Variants in ADGRB3 observed in about 807,000 individuals in gnomAD.
The protein encoded by ADGRB3 is brain-specific angiogenesis inhibitor 3.
Under a neutral mutation model 193.4 loss-of-function variants are expected in ADGRB3, and 37 were observed. The observed-to-expected ratio is 0.19, with a 90% CI of 0.15 to 0.25. The LOEUF (loss-of-function observed/expected upper bound fraction) is 0.25, where lower values mean the gene tolerates loss of function less well. Ranked by LOEUF, ADGRB3 falls within the 10% of genes least tolerant of loss-of-function variation. ADGRB3 has a pLI of 1.00. For synonymous variants in ADGRB3, 690 were observed against 644.2 expected, an observed-to-expected ratio of 1.07 and a Z score of -1.08; for missense variants, 1,637 against 1,852.9, an observed-to-expected ratio of 0.88 and a Z score of 2.14.
rs1454637198 is a variant in ADGRB3, at chr6:68,661,491, A to G, written c.757+22059A>G. On this transcript the variant is annotated intron_variant, in intron 3 of 31. Coordinates refer to ENST00000370598, the MANE Select transcript of ADGRB3 (RefSeq NM_001704.3). Reference sequence around the variant, plus strand: ...TATATATATGTGTATACATATATATATGTGTGTATACATATATATGTGTGT... The same window carrying G: ...TATATATATGTGTATACATATATATGTGTGTGTATACATATATATGTGTGT... 6.4e-5 allele frequency among the ~76,000 whole-genome samples: 8 copies of G among 125,122 alleles called. 1 individual carries two copies. Among genetic ancestry groups the G allele is most frequent in the Non-Finnish European group, 1.3e-4 (8 of 59,910 alleles). 82.1% of individuals were successfully genotyped at this position (125,122 alleles called of 152,430 possible).
chr6:68,677,521 C>CTTTTTTTTTTT (rs1002070733), intron 3 of ADGRB3, among the ~76,000 whole-genome samples: 2 of 120,330 alleles, frequency 1.7e-5, no homozygotes, highest in African/African-American at 3.1e-5. Context: ...TTCTTTTTTT[C>CTTTTTTTTTTT]TTTTTTTTTT....
At chr6:69,113,857 T>C (rs1340716950) in intron 17 of ADGRB3, among the ~76,000 whole-genome samples, 1 of 152,208 alleles carries the variant, frequency 6.6e-6, no homozygotes, top group Non-Finnish European at 1.5e-5. Flanking sequence ...TTTAGATAGA[T>C]ATTAATGATG....
intron 17 of ADGRB3, among the ~76,000 whole-genome samples, chr6:69,082,502 T>G (rs1305285045): frequency 1.3e-5 from 2 of 152,144 alleles, no homozygotes; most frequent in Non-Finnish European, 2.9e-5. Context: ...TTATCTATTT[T>G]AACTTACTTT....
In ADGRB3 at chr6:69,163,568, A is replaced by G. The variant is rs73745973; in HGVS notation, c.2481-69722A>G. ...GTCTTGCAAATGCTAATCAGTTCAGATAGGAGATCATAGATATAATAAATT... is the reference window on the plus strand; with the variant it reads ...GTCTTGCAAATGCTAATCAGTTCAGGTAGGAGATCATAGATATAATAAATT... On this transcript the variant is annotated intron_variant, in intron 17 of 31. Coordinates refer to ENST00000370598, the MANE Select transcript of ADGRB3 (RefSeq NM_001704.3). Among the ~76,000 whole-genome samples the G allele has an allele frequency of 5.6e-3, 853 of 152,204 alleles. 7 individuals are homozygous for G. The highest frequency in any genetic ancestry group is 0.02 in the African/African-American group (813 of 41,534).
At chr6:69,320,379 T>C (rs1768420237) in intron 20 of ADGRB3, among the ~76,000 whole-genome samples, 1 of 151,458 alleles carries the variant, frequency 6.6e-6, no homozygotes, top group Non-Finnish European at 1.5e-5. Context: ...TTATTTTAAG[T>C]TCCGGGGGTA....
chr6:69,097,255 T>A (rs989783017), intron 17 of ADGRB3, among the ~76,000 whole-genome samples: 1 of 152,210 alleles, frequency 6.6e-6, no homozygotes, highest in Non-Finnish European at 1.5e-5. Flanking sequence ...AATACAAATG[T>A]ATCTCTGGTT....
chr6:68,914,994 T>G (rs1481084567), intron 3 of ADGRB3, among the ~76,000 whole-genome samples: 1 of 152,236 alleles, frequency 6.6e-6, no homozygotes, highest in East Asian at 1.9e-4. Context: ...CCTGATTCTC[T>G]GTTAATCATA....
chr6:68,768,291 T>C (rs913680082), intron 3 of ADGRB3, among the ~76,000 whole-genome samples: 1 of 152,086 alleles, frequency 6.6e-6, no homozygotes, highest in Non-Finnish European at 1.5e-5. Flanking sequence ...CTTCAAACTA[T>C]ACTATAAGAC....
intron 3 of ADGRB3, among the ~76,000 whole-genome samples, chr6:68,891,727 G>T (rs1766082549): frequency 6.6e-6 from 1 of 152,140 alleles, no homozygotes; most frequent in Non-Finnish European, 1.5e-5. Flanking sequence ...GCTCTATGAA[G>T]TTGTTCAACT....
intron 17 of ADGRB3, among the ~76,000 whole-genome samples, chr6:69,195,662 T>C (rs1765278959): frequency 6.6e-6 from 1 of 152,120 alleles, no homozygotes; most frequent in Admixed American, 6.6e-5. Context: ...AAGGGCAGGT[T>C]TTCATTTATT....
chr6:68,805,164 C>T (rs560433956), intron 3 of ADGRB3, among the ~76,000 whole-genome samples: 47 of 152,192 alleles, frequency 3.1e-4, no homozygotes, highest in African/African-American at 7.5e-4. Context: ...ATCTAATTCC[C>T]GGCCTAAAGT....
chr6:68,688,977 G>A (rs1221315487), intron 3 of ADGRB3, among the ~76,000 whole-genome samples: 2 of 151,928 alleles, frequency 1.3e-5, no homozygotes, highest in Non-Finnish European at 2.9e-5. Context: ...CCTTGTATTG[G>A]AGTTCCACCA....
chr6:68,918,977 T>A (rs1766953589), intron 3 of ADGRB3, among the ~76,000 whole-genome samples: 1 of 152,118 alleles, frequency 6.6e-6, no homozygotes, highest in African/African-American at 2.4e-5. Flanking sequence ...TTTTTCAGTT[T>A]TTTTCCTCTG....
At chr6:68,859,301 G>T (rs1258248182) in intron 3 of ADGRB3, among the ~76,000 whole-genome samples, 1 of 152,122 alleles carries the variant, frequency 6.6e-6, no homozygotes, top group Non-Finnish European at 1.5e-5. Flanking sequence ...AATCTCTAGG[G>T]AGTTTCAAAC....
intron 30 of ADGRB3, among the ~76,000 whole-genome samples, chr6:69,374,308 A>C (rs780219098): frequency 4.6e-5 from 7 of 152,094 alleles, no homozygotes; most frequent in African/African-American, 9.7e-5. Flanking sequence ...ATTGTGATAC[A>C]ATCTATTTAT....
At chr6:68,900,200 G>A (rs1428655585) in intron 3 of ADGRB3, among the ~76,000 whole-genome samples, 1 of 152,050 alleles carries the variant, frequency 6.6e-6, no homozygotes, top group Non-Finnish European at 1.5e-5. Flanking sequence ...ATTGTTGGTG[G>A]CAGTGGAAAA....
At chr6:68,711,179 A>T (rs559468473) in intron 3 of ADGRB3, among the ~76,000 whole-genome samples, 16 of 152,068 alleles carry the variant, frequency 1.1e-4, no homozygotes, top group South Asian at 1.0e-3. Flanking sequence ...TCTCGGATTC[A>T]TAAGCCAAGA....
intron 16 of ADGRB3, 36 bp downstream of exon 16, chr6:69,063,072 G>A (rs778206384): frequency 6.8e-7 from 1 of 1,464,436 alleles, no homozygotes; most frequent in Admixed American, 1.7e-5. Context: ...CTTGCTTATG[G>A]AATTACCTTT....
At chr6:68,660,850 A>C (rs1390871820) in intron 3 of ADGRB3, among the ~76,000 whole-genome samples, 2 of 151,168 alleles carry the variant, frequency 1.3e-5, no homozygotes, top group African/African-American at 2.4e-5. Context: ...GCTATGTTAC[A>C]ATAGTTGTGG....
Sources: gnomAD v4.1 joint callset for allele counts (sites outside exome capture counted in the v4.1 genomes callset) on GRCh38, gnomAD v4.1.1 for gene constraint, MANE v1.5 for transcripts, NCBI Gene and HGNC (gene_info 2026-07-23, HGNC 2026-07-21) for gene names.